ENG: variants seen among roughly 807,000 people sequenced by gnomAD.
ENG encodes endoglin, also known as CD105 antigen.
ENG carries 17 observed loss-of-function variants against 71.0 expected under a neutral mutation model. That is an observed-to-expected ratio of 0.24 (90% CI 0.16 to 0.36). The LOEUF is 0.36. Ranked by LOEUF, ENG falls within the 10% of genes least tolerant of loss-of-function variation. The pLI, the probability that ENG is intolerant of heterozygous loss-of-function variation, is 1.00. For missense variants in ENG, 749 were observed against 868.3 expected (o/e 0.86, Z 1.73); for synonymous variants, 360 against 366.9 (o/e 0.98, Z 0.21).
Position 127,846,203 on chromosome 9 carries a change from C to A in ENG, c.68-2958G>T, listed in dbSNP as rs902737198. 2.0e-5 allele frequency among the ~76,000 whole-genome samples: 3 copies of A among 152,178 alleles called. No homozygotes were observed. The highest frequency in any genetic ancestry group is 4.8e-5 in the African/African-American group (2 of 41,428). On this transcript the variant is annotated intron_variant, in intron 1 of 14. Coordinates refer to ENST00000373203, the MANE Select transcript of ENG (RefSeq NM_001114753.3). The surrounding 1 kb of genome is among the most constrained non-coding windows in gnomAD (Gnocchi z 5.5). ...CAAGGGCTGGTGCCATCTCCTGTCT[C>A]CAGTCCCTCTGACCCACCAGCCCCC...
chr9:127,831,159 AT>A (rs548554493), intron 2 of ENG, among the ~76,000 whole-genome samples: 2,095 of 132,904 alleles, frequency 0.016, 17 homozygotes, highest in Admixed American at 0.026. Flanking sequence ...CGTAAATACC[AT>A]TTTTTTTTTT....
At chr9:127,830,603 C>T (rs144791122) in intron 2 of ENG, among the ~76,000 whole-genome samples, 131 of 151,440 alleles carry the variant, frequency 8.7e-4, no homozygotes, top group Middle Eastern at 3.4e-3. Flanking sequence ...GCTGAGATTG[C>T]GCTATTGCAC....
intron 1 of ENG, among the ~76,000 whole-genome samples, chr9:127,851,490 C>T (rs1178957545): frequency 2.0e-5 from 3 of 152,054 alleles, no homozygotes; most frequent in Non-Finnish European, 4.4e-5. Context: ...TCCCAAAGTG[C>T]TGGGATTAGA....
At chr9:127,816,934 C>T (rs968725600) in intron 13 of ENG, 10 of 624,456 alleles carry the variant, frequency 1.6e-5, no homozygotes, top group Admixed American at 5.2e-5. Context: ...AGGGCGGTCC[C>T]GGGCAAGGGC....
intron 2 of ENG, among the ~76,000 whole-genome samples, chr9:127,840,369 G>A (rs1564461651): frequency 6.6e-6 from 1 of 152,236 alleles, no homozygotes; most frequent in African/African-American, 2.4e-5. Context: ...GCCGAGGTGG[G>A]CGGATTATTT....
chr9:127,818,233 C>T lies in ENG; in HGVS notation c.1573G>A (p.Glu525Lys), dbSNP rs773294798. 1.1e-5 allele frequency: 18 copies of T among 1,614,106 alleles called. No homozygotes were observed. The highest frequency in any genetic ancestry group is 4.5e-5 in the East Asian group (2 of 44,886). The change falls in exon 12 of 15, where the codon GAG becomes AAG. Residue 525 changes from glutamate to lysine, a missense_variant. Coordinates refer to ENST00000373203, the MANE Select transcript of ENG (RefSeq NM_001114753.3). The stretch of plus-strand genomic sequence containing the variant: ...AGGAAGCTGAAGCGCGGGTCACCCT[C>T]GGGGCTTGGGGACAGCAGGCTCACA... ...NCVSLLSPSPEGDPRFSFLLH... is the reference protein window; with the variant it reads ...NCVSLLSPSPKGDPRFSFLLH...
chr9:127,837,433 C>T (rs1830924898), intron 2 of ENG, among the ~76,000 whole-genome samples: 1 of 152,120 alleles, frequency 6.6e-6, no homozygotes, highest in African/African-American at 2.4e-5. Flanking sequence ...ATGCTTCTTC[C>T]TCAGCTGAGG....
At chr9:127,825,630 G>GC (rs1554810335) in intron 5 of ENG, 65 bp downstream of exon 5, 11 of 1,407,924 alleles carry the variant, frequency 7.8e-6, no homozygotes, top group Non-Finnish European at 3.8e-6. Flanking sequence ...AGAGGGGGCG[G>GC]GGGGGGTCAG....
Position 127,815,759 on chromosome 9 carries a change from A to G in ENG, c.1900T>C (p.Ser634Pro). 1 of 1,546,140 alleles carries G rather than the reference A, an allele frequency of 6.5e-7. No homozygotes were observed. Among genetic ancestry groups the G allele is most frequent in the Non-Finnish European group, 8.7e-7 (1 of 1,148,648 alleles). Residue 634 changes from serine to proline, a missense_variant, in exon 15 of 15, where the codon TCC becomes CCC. Transcript: ENST00000373203. ...EPVVAVAAPASSESSSTNHSI... is the reference protein window; with the variant it reads ...EPVVAVAAPAPSESSSTNHSI... The stretch of plus-strand genomic sequence containing the variant: ...TGGTTGGTGCTGCTGCTCTCCGAGG[A>G]GGCCGGGGCAGCCACCGCCACCACG...
chr9:127,837,679 C>T (rs2005129), intron 2 of ENG, among the ~76,000 whole-genome samples: 8,432 of 152,264 alleles, frequency 0.055, 296 homozygotes, highest in Middle Eastern at 0.092. Context: ...TAGCCAATCA[C>T]CAAATGCTTA....
chr9:127,852,626 T>C (rs10819313), intron 1 of ENG, among the ~76,000 whole-genome samples: 21,950 of 152,070 alleles, frequency 0.14, 2,110 homozygotes, highest in African/African-American at 0.26. Flanking sequence ...CTCATTTCTT[T>C]CTAATCGTTT....
At chr9:127,841,804 G>A (rs1439797920) in intron 2 of ENG, among the ~76,000 whole-genome samples, 1 of 152,176 alleles carries the variant, frequency 6.6e-6, no homozygotes, top group African/African-American at 2.4e-5. Flanking sequence ...TGAGATCCAC[G>A]TGGGGAACCA....
chr9:127,836,767 G>A lies in ENG; in HGVS notation c.219+6327C>T, dbSNP rs1030708501. The stretch of plus-strand genomic sequence containing the variant: ...CTGCCTGCAAAGTAGGTTGTCCAGT[G>A]CCCAGCTAAACATGTGGGAGTAGTT... On this transcript the variant is annotated intron_variant, in intron 2 of 14. Coordinates refer to ENST00000373203, the MANE Select transcript of ENG (RefSeq NM_001114753.3). The surrounding 1 kb of genome is among the most constrained non-coding windows in gnomAD (Gnocchi z 4.0). Among the ~76,000 whole-genome samples, 3 of 152,202 alleles carry A rather than the reference G, an allele frequency of 2.0e-5. No individual in the cohort carries two copies. Among genetic ancestry groups the A allele is most frequent in the Non-Finnish European group, 2.9e-5 (2 of 68,032 alleles).
chr9:127,844,428 A>AT (rs1162042249), intron 1 of ENG, among the ~76,000 whole-genome samples: 2 of 151,626 alleles, frequency 1.3e-5, no homozygotes, highest in African/African-American at 2.4e-5. Flanking sequence ...CGCCTGGCCT[A>AT]TTTTTTATTT....
chr9:127,815,678 G>A lies in ENG; in HGVS notation c.*4C>T, dbSNP rs775604819. 86 of 1,557,930 alleles carry A rather than the reference G, an allele frequency of 5.5e-5. No homozygotes were observed. Among genetic ancestry groups the A allele is most frequent in the Non-Finnish European group, 6.7e-5 (78 of 1,158,854 alleles). On this transcript the variant is annotated 3_prime_UTR_variant, in exon 15 of 15. Coordinates refer to ENST00000373203, the MANE Select transcript of ENG (RefSeq NM_001114753.3). ...TCCTGCTGGGCGAGCGCGGGGGGCC[G>A]GGGCTATGCCATGCTGCTGGTGGAG...
intron 1 of ENG, among the ~76,000 whole-genome samples, chr9:127,854,053 A>G (rs1030301926): frequency 1.3e-5 from 2 of 152,248 alleles, no homozygotes; most frequent in African/African-American, 4.8e-5. Flanking sequence ...CAGACGCCAG[A>G]GACCAGGGTT....
chr9:127,823,391 T>C (rs1013763025), intron 8 of ENG, among the ~76,000 whole-genome samples: 4 of 88,968 alleles, frequency 4.5e-5, no homozygotes, highest in East Asian at 5.0e-4. Context: ...TTGTATAGGC[T>C]TTTTTTTTTT....
At chr9:127,818,592 G>T in intron 11 of ENG, 124 bp downstream of exon 11, 2 of 1,377,972 alleles carry the variant, frequency 1.5e-6, no homozygotes, top group Non-Finnish European at 1.0e-6. Flanking sequence ...CCTCTCCCGT[G>T]CACCCAGGCT....
chr9:127,843,748 TATATA>T, intron 1 of ENG, among the ~76,000 whole-genome samples: 2 of 14,484 alleles, frequency 1.4e-4, no homozygotes, highest in Non-Finnish European at 5.6e-4. Flanking sequence ...TATATATATA[TATATA>T]TATTTTTTTT....
Sources: gnomAD v4.1 joint callset for allele counts (sites outside exome capture counted in the v4.1 genomes callset) on GRCh38, gnomAD v4.1.1 for gene constraint, Gnocchi (gnomAD v3.1) non-coding constraint, MANE v1.5 for transcripts, NCBI Gene and HGNC (gene_info 2026-07-23, HGNC 2026-07-21) for gene names.